The following MAGEA11 variants were observed in gnomAD, a reference collection of about 807,000 sequenced individuals.
MAGEA11 encodes melanoma-associated antigen 11.
Under a neutral mutation model 8.4 loss-of-function variants are expected in MAGEA11, and 1 was observed. The ratio of observed to expected loss-of-function variants is 0.12; its 90% confidence interval spans 0.04 to 0.57. MAGEA11 has a LOEUF of 0.57. MAGEA11 is among the 20% of genes least tolerant of loss of function. The pLI, the probability that MAGEA11 is intolerant of heterozygous loss-of-function variation, is 0.91. For missense variants in MAGEA11, 209 were observed against 317.3 expected, an observed-to-expected ratio of 0.66 and a Z score of 2.59; for synonymous variants, 127 against 119.3, an observed-to-expected ratio of 1.06 and a Z score of -0.42.
At chrX:149,690,065 C>T (rs1557360002) in intron 1 of MAGEA11, among the ~76,000 whole-genome samples, 1 of 111,972 alleles carries the variant, frequency 8.9e-6, no homozygotes, top group Non-Finnish European at 1.9e-5. Flanking sequence ...CCTGCTACTG[C>T]CTATCATCAC....
chrX:149,714,426 A>G, intron 2 of MAGEA11, 55 bp from the exon 3 acceptor site: 1 of 1,187,297 alleles, frequency 8.4e-7, no homozygotes, highest in Non-Finnish European at 1.1e-6. Context: ...GGACAACCAC[A>G]TGATGGGGTG....
At chrX:149,707,127 G>A (rs782692149), upstream of MAGEA11, among the ~76,000 whole-genome samples, 6 of 112,174 alleles carry the variant, frequency 5.3e-5, no homozygotes, top group South Asian at 2.2e-3. Flanking sequence ...AACTTTGGCT[G>A]TTGGGTGTTT....
chrX:149,709,763 A>G (rs2090391749), upstream of MAGEA11, among the ~76,000 whole-genome samples: 1 of 112,283 alleles, frequency 8.9e-6, no homozygotes, highest in Non-Finnish European at 1.9e-5. Flanking sequence ...GGATACAGAA[A>G]AATATTTTGA....
At chrX:149,710,109 G>A (rs181890495), upstream of MAGEA11, among the ~76,000 whole-genome samples, 294 of 112,013 alleles carry the variant, frequency 2.6e-3, no homozygotes, top group Non-Finnish European at 2.3e-3. Context: ...ATAGCGAACA[G>A]AAGATCAATA....
chrX:149,716,961 C>T lies in MAGEA11; in HGVS notation c.*185C>T. ...TGGAAGGGAACACATTGTATACTGC[C>T]TTTAGGTTTCTCTTCCATCGGGTGA... On this transcript the variant is annotated 3_prime_UTR_variant, in exon 5 of 5. Coordinates refer to ENST00000355220, the MANE Select transcript of MAGEA11 (RefSeq NM_005366.5). The T allele has an allele frequency of 2.7e-6, 1 of 375,386 alleles. No homozygotes were observed. Among genetic ancestry groups the T allele is most frequent in the Non-Finnish European group, 4.6e-6 (1 of 218,184 alleles). 30.9% of individuals were successfully genotyped at this position (375,386 alleles called of 1,213,427 possible).
chrX:149,709,646 C>T (rs976004428), upstream of MAGEA11, among the ~76,000 whole-genome samples: 14 of 111,995 alleles, frequency 1.3e-4, no homozygotes, highest in Middle Eastern at 4.6e-3. Context: ...AATGGAAAAA[C>T]GGGATATATC....
upstream of MAGEA11, among the ~76,000 whole-genome samples, chrX:149,710,898 G>A (rs1264635589): frequency 5.4e-5 from 6 of 111,859 alleles, no homozygotes; most frequent in Admixed American, 4.8e-4. Context: ...AAACATGAGA[G>A]AGCCCTGAGA....
intron 1 of MAGEA11, among the ~76,000 whole-genome samples, chrX:149,701,955 T>G (rs1358998088): frequency 8.9e-6 from 1 of 112,043 alleles, no homozygotes; most frequent in Non-Finnish European, 1.9e-5. Flanking sequence ...TACCATGCTG[T>G]TTTGGTTACC....
At chrX:149,714,165 C>T (rs1444767925) in intron 2 of MAGEA11, 1 of 250,010 alleles carries the variant, frequency 4.0e-6, no homozygotes, top group African/African-American at 2.7e-5. Flanking sequence ...CACAGAGTCT[C>T]TCTGTCCCCT....
chrX:149,692,900 T>C (rs1383732471), intron 1 of MAGEA11, among the ~76,000 whole-genome samples: 1 of 111,951 alleles, frequency 8.9e-6, no homozygotes, highest in African/African-American at 3.3e-5. Flanking sequence ...TCTCTCTTTT[T>C]GCTTGCTGCC....
At chrX:149,710,200 A>G (rs1557361801), upstream of MAGEA11, among the ~76,000 whole-genome samples, 2 of 112,087 alleles carry the variant, frequency 1.8e-5, no homozygotes, top group African/African-American at 6.5e-5. Context: ...CAATAGCAAC[A>G]ATATCCAAAA....
intron 1 of MAGEA11, among the ~76,000 whole-genome samples, chrX:149,696,213 G>A (rs2090329818): frequency 9.1e-6 from 1 of 109,904 alleles, no homozygotes; most frequent in South Asian, 4.0e-4. Flanking sequence ...CTCAGCATAA[G>A]CAAATTTATT....
intron 1 of MAGEA11, among the ~76,000 whole-genome samples, chrX:149,692,656 A>T (rs1280182445): frequency 8.9e-6 from 1 of 111,835 alleles, no homozygotes; most frequent in Non-Finnish European, 1.9e-5. Flanking sequence ...GATTTTCTTG[A>T]TACTTCTCTT....
rs782568667 is a variant in MAGEA11, at chrX:149,713,154, T to C, written c.-6T>C. 1.7e-6 allele frequency: 2 copies of C among 1,199,405 alleles called. No homozygotes were observed. The highest frequency in any genetic ancestry group is 1.8e-5 in the South Asian group (1 of 56,309). On this transcript the variant is annotated 5_prime_UTR_variant, in exon 2 of 5. An upstream open reading frame in the 5' UTR loses its in-frame stop. Transcript: ENST00000355220. ...GCCTTTTCATTCAGCCTTGGGAATC[T>C]GAGGGATGGAGACTCAGTTCCGCAG...
At chrX:149,710,652 T>A (rs1379086077), upstream of MAGEA11, among the ~76,000 whole-genome samples, 3 of 109,789 alleles carry the variant, frequency 2.7e-5, no homozygotes, top group East Asian at 8.4e-4. Flanking sequence ...TTTCTTTCTT[T>A]CTTTTTTTTT....
chrX:149,706,190 T>C (rs1424861734), intron 1 of MAGEA11, among the ~76,000 whole-genome samples: 1 of 111,966 alleles, frequency 8.9e-6, no homozygotes, highest in Non-Finnish European at 1.9e-5. Context: ...TGCCCTTTGG[T>C]AACAAGAAAG....
At position 149,716,440 on chromosome X, in the gene MAGEA11, C is replaced by A. The variant is rs140351185; in HGVS notation, c.954C>A (p.Val318=). ...CCAAGTCTGGCCTCCTGATAATAGTCCTGGGTGTAATCTTCATGGAGGGGA... is the reference window on the plus strand; with the variant it reads ...CCAAGTCTGGCCTCCTGATAATAGTACTGGGTGTAATCTTCATGGAGGGGA... The part of the protein sequence containing the change: ...SMPKSGLLII[V]LGVIFMEGNC... The change falls in exon 5 of 5, where the codon GTC becomes GTA. Residue 318 remains valine, a synonymous_variant. Coordinates refer to ENST00000355220, the MANE Select transcript of MAGEA11 (RefSeq NM_005366.5). The A allele has an allele frequency of 3.3e-6, 4 of 1,209,301 alleles. No individual in the cohort carries two copies. The African/African-American group carries it at 7.0e-5, about 21-fold the overall frequency.
upstream of MAGEA11, among the ~76,000 whole-genome samples, chrX:149,710,091 T>G (rs2090393079): frequency 8.9e-6 from 1 of 111,819 alleles, no homozygotes. Context: ...ATAAGAGACG[T>G]GTGAAAAATA....
At chrX:149,712,017 A>C, upstream of MAGEA11, 4 of 749,310 alleles carry the variant, frequency 5.3e-6, no homozygotes, top group Non-Finnish European at 6.3e-6. Flanking sequence ...CTCCTGCTGT[A>C]AATCCAGGGA....
Sources: allele counts gnomAD v4.1 joint callset (sites outside exome capture counted in the v4.1 genomes callset), GRCh38; gene constraint gnomAD v4.1.1; transcripts MANE v1.5; gene names NCBI Gene and HGNC (gene_info 2026-07-23, HGNC 2026-07-21).